Variants in ADCY5 observed in about 807,000 individuals in gnomAD.
ADCY5 encodes the protein adenylate cyclase 5.
A neutral mutation model predicts 119.7 loss-of-function variants in ADCY5; 30 were observed. That is an observed-to-expected ratio of 0.25 (90% CI 0.19 to 0.34). The LOEUF (loss-of-function observed/expected upper bound fraction) is 0.34. Among genes scored for constraint, ADCY5 ranks in the 10% least tolerant of loss-of-function variants. ADCY5 has a pLI of 1.00. For synonymous variants in ADCY5, 753 were observed against 762.2 expected (o/e 0.99, Z 0.20); for missense variants, 1,324 against 1,775.2 (o/e 0.75, Z 4.57).
rs199997498 is a variant in ADCY5 at position 123,360,060 on chromosome 3, TG to T, written c.1135-7480del. ...GCACCATGCTCAATTAGGTGCTTAA[TG>T]TTTTTTTTTTTTAACTATTACATAT... On this transcript the variant is annotated intron_variant, in intron 1 of 20. Transcript: ENST00000462833. 8.1e-3 allele frequency among the ~76,000 whole-genome samples: 1,130 copies of T among 138,694 alleles called. 5 individuals are homozygous for T. Among genetic ancestry groups the T allele is most frequent in the African/African-American group, 0.016 (595 of 36,120 alleles). 91.0% of individuals were successfully genotyped at this position (138,694 alleles called of 152,430 possible).
At chr3:123,289,323 G>A (rs191704188) in intron 19 of ADCY5, among the ~76,000 whole-genome samples, 45 of 152,284 alleles carry the variant, frequency 3.0e-4, no homozygotes, top group African/African-American at 1.1e-3. Context: ...ATAAAACAAC[G>A]CGGTTAGGTC....
At chr3:123,431,447 G>A (rs200612732) in intron 1 of ADCY5, among the ~76,000 whole-genome samples, 9 of 150,456 alleles carry the variant, frequency 6.0e-5, no homozygotes, top group Non-Finnish European at 8.9e-5. Context: ...TCTCTCAAAA[G>A]AAAAAAAAAA....
At chr3:123,419,290 C>T (rs555630539) in intron 1 of ADCY5, 1 of 798,144 alleles carries the variant, frequency 1.3e-6, no homozygotes, top group East Asian at 1.3e-4. Context: ...TCCGCCCACC[C>T]ACTTCTCTTT....
chr3:123,311,794 G>A lies in ADCY5; in HGVS notation c.2442+2441C>T, dbSNP rs1302196892. Among the ~76,000 whole-genome samples the A allele has an allele frequency of 2.0e-5, 3 of 152,130 alleles. No individual in the cohort carries two copies. The East Asian group carries it at 5.8e-4, about 29-fold the overall frequency. ...CCTGGCTGGATGGTGTGGGACTGGG[G>A]GGACAGTGTTTGTGTGGCCTGGGGG... is the stretch of plus-strand genomic sequence containing the variant. On this transcript the variant is annotated intron_variant, in intron 12 of 20. Transcript: ENST00000462833.
intron 1 of ADCY5, among the ~76,000 whole-genome samples, chr3:123,387,999 G>C (rs1369240669): frequency 6.6e-6 from 1 of 152,206 alleles, no homozygotes; most frequent in East Asian, 1.9e-4. Context: ...GAGTAGCAAA[G>C]GGGGACAAGA....
chr3:123,409,776 C>T (rs766118270), intron 1 of ADCY5, among the ~76,000 whole-genome samples: 5 of 152,164 alleles, frequency 3.3e-5, no homozygotes, highest in African/African-American at 7.2e-5. Context: ...TAACAGAGGC[C>T]GGGCAGAAGG....
rs1463684785 is a variant in ADCY5 at position 123,431,619 on chromosome 3, TGCAGTTATTATA to T, written c.1134+15781_1134+15792del. On this transcript the variant is annotated intron_variant, in intron 1 of 20. Transcript: ENST00000462833. ...TAACAGTCATTTCCTAAAATATTCT[TGCAGTTATTATA>T]GCACTGCACTAAGCCATTTATCCAG... is the stretch of plus-strand genomic sequence containing the variant. 4.6e-5 allele frequency among the ~76,000 whole-genome samples: 7 copies of T among 152,356 alleles called. No individual in the cohort carries two copies. In the East Asian group the frequency reaches 1.3e-3, roughly 29 times the overall value.
chr3:123,341,884 G>A (rs1942298183), intron 3 of ADCY5, among the ~76,000 whole-genome samples: 1 of 152,004 alleles, frequency 6.6e-6, no homozygotes, highest in African/African-American at 2.4e-5. Context: ...ATAACATAAA[G>A]ACCATTTATA....
At chr3:123,378,349 G>C (rs560148905) in intron 1 of ADCY5, among the ~76,000 whole-genome samples, 30 of 151,644 alleles carry the variant, frequency 2.0e-4, no homozygotes, top group African/African-American at 7.0e-4. Flanking sequence ...CTATTAGTCA[G>C]AACAGGTGAG....
At chr3:123,384,212 A>T (rs1055639185) in intron 1 of ADCY5, among the ~76,000 whole-genome samples, 1 of 152,240 alleles carries the variant, frequency 6.6e-6, no homozygotes, top group African/African-American at 2.4e-5. Context: ...AGGGAGATTT[A>T]AAAATAAACA....
In ADCY5 at chr3:123,286,695, T is replaced by C; in HGVS notation, c.3647A>G (p.Asp1216Gly). 1.2e-6 allele frequency: 2 copies of C among 1,611,456 alleles called. No homozygotes were observed. The highest frequency in any genetic ancestry group is 1.7e-5 in the Admixed American group (1 of 59,730). ...TGCTCCTGCACTCACCTGGATGCGG[T>C]CGGGTACACCGGTGCTGTCCATGCG... is the stretch of plus-strand genomic sequence containing the variant. ...ASRMDSTGVP[D>G]RIQVTTDMYQ... Residue 1216 changes from aspartate (D) to glycine (G), a missense_variant, in exon 20 of 21, where the codon GAC (aspartate) becomes GGC (glycine). Coordinates refer to ENST00000462833, the MANE Select transcript of ADCY5 (RefSeq NM_183357.3). The surrounding 1 kb of genome is among the most constrained non-coding windows in gnomAD (Gnocchi z 4.2).
intron 1 of ADCY5, among the ~76,000 whole-genome samples, chr3:123,398,857 T>C (rs1944677085): frequency 6.6e-6 from 1 of 152,204 alleles, no homozygotes; most frequent in Non-Finnish European, 1.5e-5. Flanking sequence ...TAGGTGCAAA[T>C]GAGTAAAACT....
At chr3:123,396,763 AAGGAAGGAAGGAAGGAAGGCAGGC>A (rs1427134811) in intron 1 of ADCY5, among the ~76,000 whole-genome samples, 29 of 89,246 alleles carry the variant, frequency 3.2e-4, no homozygotes, top group Admixed American at 7.6e-4. Flanking sequence ...GGAAGGAAGG[AAGGAAGGAAGGAAGGAAGGCAGGC>A]AGGCAGGCAG....
intron 17 of ADCY5, among the ~76,000 whole-genome samples, chr3:123,294,299 A>T (rs1359276351): frequency 6.6e-6 from 1 of 152,224 alleles, no homozygotes; most frequent in African/African-American, 2.4e-5. Context: ...GGAGCCACCA[A>T]TGGATGCAAA....
intron 17 of ADCY5, among the ~76,000 whole-genome samples, chr3:123,295,326 G>A (rs1939432444): frequency 6.6e-6 from 1 of 152,218 alleles, no homozygotes; most frequent in Non-Finnish European, 1.5e-5. Flanking sequence ...GCCAGGCTAA[G>A]CTCTGCACAG....
chr3:123,377,051 C>T (rs1426967199), intron 1 of ADCY5, among the ~76,000 whole-genome samples: 3 of 152,104 alleles, frequency 2.0e-5, no homozygotes, highest in East Asian at 1.9e-4. Context: ...GCGTGTTCTC[C>T]GCCACACACA....
At chr3:123,418,722 A>T (rs1945237224) in intron 1 of ADCY5, 1 of 152,226 alleles carries the variant, frequency 6.6e-6, no homozygotes, top group Non-Finnish European at 1.5e-5. Context: ...CACATCGGAG[A>T]TCAAATTTCA....
intron 17 of ADCY5, among the ~76,000 whole-genome samples, chr3:123,293,788 A>G (rs1939320480): frequency 6.6e-6 from 1 of 152,230 alleles, no homozygotes; most frequent in African/African-American, 2.4e-5. Flanking sequence ...GAAGTAGTAC[A>G]GATACATGTA....
chr3:123,356,490 G>GT (rs1221187849), intron 1 of ADCY5, among the ~76,000 whole-genome samples: 1 of 151,876 alleles, frequency 6.6e-6, no homozygotes, highest in Non-Finnish European at 1.5e-5. Flanking sequence ...ATGGCAATGA[G>GT]TAAAAAAAAG....
Sources: gnomAD v4.1 joint callset for allele counts (sites outside exome capture counted in the v4.1 genomes callset) on GRCh38, gnomAD v4.1.1 for gene constraint, Gnocchi (gnomAD v3.1) non-coding constraint, MANE v1.5 for transcripts, NCBI Gene and HGNC (gene_info 2026-07-23, HGNC 2026-07-21) for gene names.